Variants in DIAPH3 observed in about 807,000 individuals in gnomAD.
DIAPH3 encodes the protein diaphanous related formin 3.
In DIAPH3, 117 loss-of-function variants were observed where a neutral mutation model predicts 144.3. That is an observed-to-expected ratio of 0.81 (90% confidence interval 0.70 to 0.95). DIAPH3 has a LOEUF of 0.95. Among genes scored for constraint, DIAPH3 ranks in the 40% least tolerant of loss-of-function variants. The probability of loss-of-function intolerance (pLI) is 0.00; values close to 1 mark genes in which losing one functional copy is unlikely to be tolerated. For missense variants in DIAPH3, 1,421 were observed against 1,412.7 expected (o/e 1.01, Z -0.09); for synonymous variants, 519 against 488.9 (o/e 1.06, Z -0.81).
chr13:59,916,378 TGGGGG>T, intron 18 of DIAPH3, 129 bp from the exon 19 acceptor site: 1 of 735,474 alleles, frequency 1.4e-6, no homozygotes, highest in Non-Finnish European at 2.3e-6. Flanking sequence ...ATATTATGTT[TGGGGG>T]AAACATATTA....
At chr13:59,762,052 C>CT (rs35387511) in intron 27 of DIAPH3, among the ~76,000 whole-genome samples, 2,816 of 59,514 alleles carry the variant, frequency 0.047, 222 homozygotes, top group East Asian at 0.08. Context: ...GCGTCAGCAT[C>CT]TTTTTTTTTT....
rs538191047 is a variant in DIAPH3, at chr13:59,707,075, A to G, written c.3320-40229T>C. On this transcript the variant is annotated intron_variant, in intron 27 of 27. Transcript: ENST00000400324. ...TGGTTATATCCATCTGTCTGAGAAAACAGACTTTAACACAAAATGAAGTCA... is the reference window on the plus strand; with the variant it reads ...TGGTTATATCCATCTGTCTGAGAAAGCAGACTTTAACACAAAATGAAGTCA... Among the ~76,000 whole-genome samples the G allele has an allele frequency of 2.6e-5, 4 of 152,338 alleles. No individual in the cohort carries two copies. In the East Asian group the frequency reaches 7.7e-4, roughly 29 times the overall value.
intron 24 of DIAPH3, among the ~76,000 whole-genome samples, chr13:59,815,539 C>G (rs937489182): frequency 1.3e-5 from 2 of 152,062 alleles, no homozygotes; most frequent in African/African-American, 2.4e-5. Context: ...TAGATTTACT[C>G]TCTATACATT....
At chr13:59,714,950 C>T (rs1399637039) in intron 27 of DIAPH3, among the ~76,000 whole-genome samples, 2 of 150,972 alleles carry the variant, frequency 1.3e-5, no homozygotes, top group Non-Finnish European at 3.0e-5. Context: ...CATATTCTCC[C>T]TCTCCCAAGA....
At chr13:59,684,021 G>A (rs962716480) in intron 27 of DIAPH3, among the ~76,000 whole-genome samples, 1 of 151,324 alleles carries the variant, frequency 6.6e-6, no homozygotes, top group Non-Finnish European at 1.5e-5. Flanking sequence ...CAGTGAAGTT[G>A]TTGTTAATAT....
chr13:59,731,798 A>G (rs2035904547), intron 27 of DIAPH3, among the ~76,000 whole-genome samples: 1 of 152,214 alleles, frequency 6.6e-6, no homozygotes, highest in Non-Finnish European at 1.5e-5. Context: ...TTAGCTTTTC[A>G]CAGCTGAAAA....
intron 22 of DIAPH3, among the ~76,000 whole-genome samples, chr13:59,847,836 A>T (rs562436558): frequency 5.3e-5 from 8 of 152,194 alleles, no homozygotes; most frequent in African/African-American, 7.2e-5. Context: ...AAAAGTCCAA[A>T]TTTTTTCTCA....
At chr13:59,775,214 C>A (rs2038340555) in intron 25 of DIAPH3, among the ~76,000 whole-genome samples, 1 of 152,020 alleles carries the variant, frequency 6.6e-6, no homozygotes, top group African/African-American at 2.4e-5. Context: ...TAAAGTCAAC[C>A]AGGTATGGGA....
chr13:59,944,699 A>G (rs1158748695), intron 17 of DIAPH3, among the ~76,000 whole-genome samples: 7 of 152,044 alleles, frequency 4.6e-5, no homozygotes, highest in Admixed American at 4.6e-4. Context: ...AGTTTGTTTA[A>G]ATATATACAT....
intron 1 of DIAPH3, among the ~76,000 whole-genome samples, chr13:60,143,996 T>C (rs1379588469): frequency 6.6e-6 from 1 of 152,242 alleles, no homozygotes; most frequent in African/African-American, 2.4e-5. Flanking sequence ...CATTTCCTTC[T>C]TCCCACAGCC....
At chr13:59,926,854 C>T (rs945478475) in intron 17 of DIAPH3, among the ~76,000 whole-genome samples, 3 of 152,146 alleles carry the variant, frequency 2.0e-5, no homozygotes, top group African/African-American at 7.2e-5. Context: ...ATTTGGTCTA[C>T]AGTGCAGTTT....
At chr13:60,016,226 T>A (rs2053639719) in intron 5 of DIAPH3, 81 bp from the exon 6 acceptor site, 1 of 1,205,942 alleles carries the variant, frequency 8.3e-7, no homozygotes, top group Non-Finnish European at 1.2e-6. Context: ...AAGTATTTTA[T>A]ATTTGCTATA....
chr13:59,809,705 A>AT lies in DIAPH3; in HGVS notation c.3163+1082dup, dbSNP rs568291208. On this transcript the variant is annotated intron_variant, in intron 25 of 27. Coordinates refer to ENST00000400324, the MANE Select transcript of DIAPH3 (RefSeq NM_001042517.2). ...ATAAACAAGAAATTGTGCTTAGATG[A>AT]TTTTTCTTCCCAGGAAGAAACAAGT... Among the ~76,000 whole-genome samples, 128 of 152,214 alleles carry AT rather than the reference A, an allele frequency of 8.4e-4. 1 individual carries two copies. Among genetic ancestry groups the AT allele is most frequent in the South Asian group, 1.7e-3 (8 of 4,824 alleles).
Position 60,075,996 on chromosome 13 carries a change from G to A in DIAPH3, c.495+17632C>T, listed in dbSNP as rs12862438. 1.4e-3 allele frequency among the ~76,000 whole-genome samples: 215 copies of A among 152,292 alleles called. 1 individual carries two copies. Among genetic ancestry groups the A allele is most frequent in the Non-Finnish European group, 2.6e-3 (176 of 68,012 alleles). On this transcript the variant is annotated intron_variant, in intron 4 of 27. Transcript: ENST00000400324. ...CTATTGGGGGTCACTGCACATGCAGGGGGTCCCCTTGGGACAAAATTCCTC... is the reference window on the plus strand; with the variant it reads ...CTATTGGGGGTCACTGCACATGCAGAGGGTCCCCTTGGGACAAAATTCCTC...
chr13:60,076,042 T>C (rs1456493682), intron 4 of DIAPH3, among the ~76,000 whole-genome samples: 1 of 152,246 alleles, frequency 6.6e-6, no homozygotes, highest in South Asian at 2.1e-4. Flanking sequence ...TCACAGTCAA[T>C]GCCTTCTGAA....
At chr13:59,834,649 C>A (rs2041951102) in intron 23 of DIAPH3, among the ~76,000 whole-genome samples, 2 of 151,674 alleles carry the variant, frequency 1.3e-5, no homozygotes, top group Non-Finnish European at 3.0e-5. Flanking sequence ...AATTCTTCAT[C>A]ATCATCTTCA....
At chr13:60,093,259 T>C (rs759600505) in intron 4 of DIAPH3, among the ~76,000 whole-genome samples, 2 of 152,206 alleles carry the variant, frequency 1.3e-5, no homozygotes, top group Non-Finnish European at 2.9e-5. Context: ...GCCACTATTA[T>C]GTACCTTGAT....
Position 59,685,682 on chromosome 13 carries a change from G to A in DIAPH3, c.3320-18836C>T, listed in dbSNP as rs567812895. ...CATGGATTCCTTGTTCTGTTGAAAG[G>A]GGGGACTCTCTTGTAATACAAAGAG... On this transcript the variant is annotated intron_variant, in intron 27 of 27. Coordinates refer to ENST00000400324, the MANE Select transcript of DIAPH3 (RefSeq NM_001042517.2). Among the ~76,000 whole-genome samples, 3 of 152,176 alleles carry A rather than the reference G, an allele frequency of 2.0e-5. No individual in the cohort carries two copies. In the South Asian group the frequency reaches 6.2e-4, roughly 32 times the overall value.
chr13:60,154,592 A>G (rs1951938002), intron 1 of DIAPH3, among the ~76,000 whole-genome samples: 1 of 152,202 alleles, frequency 6.6e-6, no homozygotes, highest in Admixed American at 6.5e-5. Flanking sequence ...TTAAACTCTT[A>G]AATTCTCCCC....
Sources: gnomAD v4.1 joint callset for allele counts (sites outside exome capture counted in the v4.1 genomes callset) on GRCh38, gnomAD v4.1.1 for gene constraint, MANE v1.5 for transcripts, NCBI Gene and HGNC (gene_info 2026-07-23, HGNC 2026-07-21) for gene names.